The following TLL1 variants were observed in gnomAD, a reference collection of about 807,000 sequenced individuals.
TLL1 encodes tolloid like 1.
TLL1 carries 49 observed loss-of-function variants against 128.2 expected under a neutral mutation model. The ratio of observed to expected loss-of-function variants is 0.38; its 90% CI spans 0.30 to 0.48. The LOEUF (loss-of-function observed/expected upper bound fraction) is 0.48. TLL1 is among the 20% of genes least tolerant of loss of function. The pLI is 0.96. For synonymous variants in TLL1, 454 were observed against 418.8 expected, an observed-to-expected ratio of 1.08 and a Z score of -1.03; for missense variants, 1,123 against 1,242.0, an observed-to-expected ratio of 0.90 and a Z score of 1.44.
chr4:166,020,734 A>G (rs916465290), intron 8 of TLL1, among the ~76,000 whole-genome samples: 6 of 152,158 alleles, frequency 3.9e-5, no homozygotes, highest in Non-Finnish European at 8.8e-5. Flanking sequence ...TAGACCAACT[A>G]TTGTCCCTAA....
chr4:166,025,746 T>C (rs150385670), intron 9 of TLL1, among the ~76,000 whole-genome samples: 80 of 152,214 alleles, frequency 5.3e-4, no homozygotes, highest in African/African-American at 1.5e-3. Flanking sequence ...TAAAAATATA[T>C]ATCTAGATGT....
chr4:165,940,810 T>G (rs1339143114), intron 1 of TLL1, among the ~76,000 whole-genome samples: 1 of 152,016 alleles, frequency 6.6e-6, no homozygotes, highest in Non-Finnish European at 1.5e-5. Context: ...CCTTTGTTAT[T>G]TAATTTCTGG....
intron 1 of TLL1, among the ~76,000 whole-genome samples, chr4:165,976,020 G>A (rs1735861698): frequency 9.3e-6 from 1 of 107,474 alleles, no homozygotes; most frequent in African/African-American, 3.7e-5. Context: ...GGGTAACAGA[G>A]TGAGATTCCA....
In TLL1 at chr4:165,897,662, C is replaced by CTTTTTTTTTTTTTTTTT. The variant is rs951819686; in HGVS notation, c.169+23597_169+23613dup. Among the ~76,000 whole-genome samples, 18 of 47,542 alleles carry CTTTTTTTTTTTTTTTTT rather than the reference C, an allele frequency of 3.8e-4. 1 individual carries two copies. Among genetic ancestry groups the CTTTTTTTTTTTTTTTTT allele is most frequent in the East Asian group, 2.4e-3 (3 of 1,258 alleles). The allele number at this position is 47,542 out of a possible 152,430, so 31.2% of individuals were successfully genotyped here. A position where few individuals can be genotyped will look rare whatever the true frequency, so the allele number is the denominator to read the frequency against. On this transcript the variant is annotated intron_variant, in intron 1 of 20. Transcript: ENST00000061240. ...TATAGTTTGAAGTCAGGTAGTCCAG[C>CTTTTTTTTTTTTTTTTT]TTTTTTTTTTTTTTTTTTTTTTTTG...
In TLL1 at chr4:165,992,785, T is replaced by C; in HGVS notation, c.281-19T>C. Reference sequence around the variant, plus strand: ...TTTAACATATTTTGAGTTTAACTTGTTTCCTTTTATTCTTTAAGGTGGACT... The same window carrying C: ...TTTAACATATTTTGAGTTTAACTTGCTTCCTTTTATTCTTTAAGGTGGACT... On this transcript the variant is annotated intron_variant, in intron 2 of 20. Coordinates refer to ENST00000061240, the MANE Select transcript of TLL1 (RefSeq NM_012464.5). 2 of 1,611,026 alleles carry C rather than the reference T, an allele frequency of 1.2e-6. No homozygotes were observed. The highest frequency in any genetic ancestry group is 8.5e-7 in the Non-Finnish European group (1 of 1,177,404).
chr4:166,059,520 T>C (rs970116851), intron 14 of TLL1, among the ~76,000 whole-genome samples: 9 of 152,154 alleles, frequency 5.9e-5, no homozygotes, highest in African/African-American at 1.9e-4. Flanking sequence ...TCAGGTAATA[T>C]TGAGTTACTT....
At chr4:165,987,783 A>G (rs1736455484) in intron 1 of TLL1, among the ~76,000 whole-genome samples, 1 of 152,104 alleles carries the variant, frequency 6.6e-6, no homozygotes, top group African/African-American at 2.4e-5. Context: ...ATCAAAGCCT[A>G]AAACATTGCA....
At chr4:165,999,871 C>T (rs1406866716) in intron 5 of TLL1, among the ~76,000 whole-genome samples, 13 of 152,116 alleles carry the variant, frequency 8.5e-5, no homozygotes, top group African/African-American at 1.2e-4. Context: ...ATTTCAAATA[C>T]AGCACATAAA....
chr4:165,950,313 C>A (rs563041760), intron 1 of TLL1, among the ~76,000 whole-genome samples: 5 of 152,202 alleles, frequency 3.3e-5, no homozygotes, highest in Admixed American at 3.3e-4. Context: ...GAGAAATACA[C>A]CATTGCATTT....
chr4:165,888,109 C>T (rs1731244267), intron 1 of TLL1, among the ~76,000 whole-genome samples: 1 of 151,306 alleles, frequency 6.6e-6, no homozygotes, highest in East Asian at 1.9e-4. Context: ...CTTTATAGTC[C>T]CTCTGTTTTT....
chr4:166,020,977 T>C (rs1738201550), intron 8 of TLL1, among the ~76,000 whole-genome samples: 1 of 152,208 alleles, frequency 6.6e-6, no homozygotes, highest in Non-Finnish European at 1.5e-5. Context: ...TACATATCTA[T>C]GGATGCACAT....
At position 165,917,172 on chromosome 4, in the gene TLL1, G is replaced by A. The variant is rs373848863; in HGVS notation, c.169+43099G>A. On this transcript the variant is annotated intron_variant, in intron 1 of 20. Coordinates refer to ENST00000061240, the MANE Select transcript of TLL1 (RefSeq NM_012464.5). ...GAAGGTAACATCTTAGAAAAGGTCC[G>A]TGAACGTTCTATAGATTATTTTGAT... Among the ~76,000 whole-genome samples the A allele has an allele frequency of 1.1e-4, 17 of 152,048 alleles. 1 individual carries two copies. The highest frequency in any genetic ancestry group is 4.6e-4 in the Admixed American group (7 of 15,268).
At chr4:166,095,492 A>AT (rs941968871) in intron 19 of TLL1, among the ~76,000 whole-genome samples, 2 of 152,114 alleles carry the variant, frequency 1.3e-5, no homozygotes, top group Non-Finnish European at 2.9e-5. Context: ...AGAGAAAATA[A>AT]TTTTTAAAAT....
intron 1 of TLL1, among the ~76,000 whole-genome samples, chr4:165,907,957 A>G (rs150682548): frequency 4.6e-5 from 7 of 152,342 alleles, no homozygotes; most frequent in Admixed American, 1.3e-4. Flanking sequence ...AAACACTGCT[A>G]TAGGCCTGTA....
chr4:166,057,333 C>A (rs759698580), intron 14 of TLL1, 24 bp downstream of exon 14: 8 of 1,610,892 alleles, frequency 5.0e-6, no homozygotes, highest in Non-Finnish European at 6.8e-6. Flanking sequence ...CCTTCCTGGA[C>A]CCCCACCCCC....
intron 1 of TLL1, among the ~76,000 whole-genome samples, chr4:165,912,369 C>T (rs1732577123): frequency 6.6e-6 from 1 of 152,182 alleles, no homozygotes. Context: ...TGATCCACTC[C>T]TTTGTTGCTT....
At chr4:166,079,531 A>T (rs1369024337) in intron 18 of TLL1, among the ~76,000 whole-genome samples, 3 of 151,794 alleles carry the variant, frequency 2.0e-5, no homozygotes, top group Non-Finnish European at 4.4e-5. Flanking sequence ...TTAAGTCGTA[A>T]TTCTTTTTCC....
rs202071995 is a variant in TLL1, at chr4:165,952,797, C to CA, written c.170-36577dup. ...GGGGGTAATCAATGTTTTCAAAAGT[C>CA]AAAAAAATAAAAAAATTTAAAGAAA... On this transcript the variant is annotated intron_variant, in intron 1 of 20. Transcript: ENST00000061240. Among the ~76,000 whole-genome samples, 236 of 150,984 alleles carry CA rather than the reference C, an allele frequency of 1.6e-3. 1 individual carries two copies. The East Asian group carries it at 0.034, about 22-fold the overall frequency.
intron 12 of TLL1, among the ~76,000 whole-genome samples, chr4:166,053,708 T>C (rs1341934856): frequency 2.0e-5 from 3 of 152,158 alleles, no homozygotes; most frequent in African/African-American, 7.2e-5. Flanking sequence ...CCATGGACAT[T>C]CCCCGATATT....
Sources: allele counts gnomAD v4.1 joint callset (sites outside exome capture counted in the v4.1 genomes callset), GRCh38; gene constraint gnomAD v4.1.1; transcripts MANE v1.5; gene names NCBI Gene and HGNC (gene_info 2026-07-23, HGNC 2026-07-21).